TRIM16: variants seen among roughly 807,000 people sequenced by gnomAD.
TRIM16 encodes the protein tripartite motif-containing protein 16.
A neutral mutation model predicts 50.4 loss-of-function variants in TRIM16; 33 were observed. The observed-to-expected ratio is 0.65, with a 90% CI of 0.50 to 0.88. The LOEUF (loss-of-function observed/expected upper bound fraction) is 0.88. TRIM16 is among the 40% of genes least tolerant of loss of function. The probability of loss-of-function intolerance (pLI) is 0.00; values close to 1 mark genes in which losing one functional copy is unlikely to be tolerated. For missense variants in TRIM16, 581 were observed against 686.8 expected (o/e 0.85, Z 1.72); for synonymous variants, 229 against 270.7 (o/e 0.85, Z 1.51).
chr17:15,658,691 T>C (rs1988082666), intron 6 of TRIM16: 1 of 394,874 alleles, frequency 2.5e-6, no homozygotes, highest in South Asian at 1.1e-4. Flanking sequence ...TCTAAGTCAG[T>C]CCTCCAAATT....
chr17:15,677,839 T>G, intron 4 of TRIM16, 118 bp from the exon 5 acceptor site: 1 of 804,610 alleles, frequency 1.2e-6, no homozygotes, highest in Middle Eastern at 6.3e-4. Context: ...TATTAAAGAA[T>G]CTTAAAATCT....
chr17:15,665,801 C>A (rs555275336), intron 6 of TRIM16, among the ~76,000 whole-genome samples: 144 of 152,160 alleles, frequency 9.5e-4, no homozygotes, highest in African/African-American at 3.3e-3. Context: ...AAACTGATGT[C>A]TCAGCTCAAC....
chr17:15,651,652 G>C lies in TRIM16; in HGVS notation c.-43C>G. 1 of 1,591,200 alleles carries C rather than the reference G, an allele frequency of 6.3e-7. No homozygotes were observed. Among genetic ancestry groups the C allele is most frequent in the South Asian group, 1.1e-5 (1 of 89,144 alleles). On this transcript the variant is annotated 5_prime_UTR_variant, in exon 7 of 12. Coordinates refer to ENST00000649191, the MANE Select transcript of TRIM16 (RefSeq NM_001348119.1). ...TAGGCTGTCTTTCTTCTGTCCCTTG[G>C]CCCAGGATCTGTGCAGCCCAAGTCA...
chr17:15,681,687 C>T (rs1406174886), intron 3 of TRIM16, among the ~76,000 whole-genome samples: 2 of 152,210 alleles, frequency 1.3e-5, no homozygotes, highest in East Asian at 1.9e-4. Flanking sequence ...ACTGCTGATG[C>T]TATTACCTTT....
intron 6 of TRIM16, among the ~76,000 whole-genome samples, chr17:15,673,859 AT>A (rs926508585): frequency 5.3e-5 from 8 of 150,528 alleles, no homozygotes. Flanking sequence ...TCATATGACC[AT>A]TTTTTTAAAA....
At chr17:15,682,993 A>G (rs763472235) in intron 2 of TRIM16, 42 bp from the exon 3 acceptor site, 10 of 1,550,058 alleles carry the variant, frequency 6.5e-6, no homozygotes, top group Non-Finnish European at 8.7e-6. Context: ...TGCATACTGC[A>G]GATTCTTGGC....
chr17:15,640,354 C>G (rs565676308), intron 8 of TRIM16, among the ~76,000 whole-genome samples: 1 of 148,778 alleles, frequency 6.7e-6, no homozygotes, highest in Non-Finnish European at 1.5e-5. Flanking sequence ...CAGGGAAGGA[C>G]CTTTAAGTTC....
In TRIM16 at chr17:15,634,639, A is replaced by AT. The variant is rs1212715420; in HGVS notation, c.849+1396_849+1397insA. Among the ~76,000 whole-genome samples, 1,316 of 142,098 alleles carry AT rather than the reference A, an allele frequency of 9.3e-3. 81 individuals are homozygous for AT. The highest frequency in any genetic ancestry group is 0.053 in the Middle Eastern group (15 of 284). 93.2% of individuals were successfully genotyped at this position (142,098 alleles called of 152,430 possible). A position where few individuals can be genotyped will look rare whatever the true frequency, so the allele number is the denominator to read the frequency against. On this transcript the variant is annotated intron_variant, in intron 9 of 11. Transcript: ENST00000649191. ...AGAGTGAAACTCAGTCTCAAAAAAA[A>AT]AAAAAAACAAATAAAAATAAAAATT...
At chr17:15,662,888 G>T (rs761636091) in intron 6 of TRIM16, among the ~76,000 whole-genome samples, 1 of 152,180 alleles carries the variant, frequency 6.6e-6, no homozygotes, top group African/African-American at 2.4e-5. Context: ...ACATGAGGAC[G>T]TTCTGGCTAA....
intron 4 of TRIM16, among the ~76,000 whole-genome samples, chr17:15,679,551 T>G (rs1294590440): frequency 6.6e-6 from 1 of 152,230 alleles, no homozygotes; most frequent in Non-Finnish European, 1.5e-5. Context: ...AGATTAAGGA[T>G]GTGGCCTTCC....
intron 6 of TRIM16, among the ~76,000 whole-genome samples, chr17:15,676,001 C>A (rs1597673659): frequency 6.6e-6 from 1 of 152,096 alleles, no homozygotes; most frequent in East Asian, 1.9e-4. Context: ...ACTCCCAAAT[C>A]TGTACCCCCA....
intron 7 of TRIM16, 185 bp from the exon 8 acceptor site, chr17:15,643,001 G>A: frequency 5.1e-6 from 3 of 588,290 alleles, no homozygotes; most frequent in Non-Finnish European, 6.6e-6. Flanking sequence ...TCCTGGGGCT[G>A]CAGTCAGCAT....
Position 15,665,000 on chromosome 17 carries a change from C to G in TRIM16, c.-338+12176G>C, listed in dbSNP as rs147616022. Among the ~76,000 whole-genome samples, 751 of 147,170 alleles carry G rather than the reference C, an allele frequency of 5.1e-3. 9 individuals carry two copies. Among genetic ancestry groups the G allele is most frequent in the African/African-American group, 0.018 (705 of 39,176 alleles). ...TGAGCAGAGATGGCACCATTGCACT[C>G]CAGCCTGGGCAACAGAGTGAGACTC... On this transcript the variant is annotated intron_variant, in intron 6 of 11. Coordinates refer to ENST00000649191, the MANE Select transcript of TRIM16 (RefSeq NM_001348119.1).
chr17:15,651,741 A>G lies in TRIM16; in HGVS notation c.-132T>C, dbSNP rs1001572841. The G allele has an allele frequency of 5.3e-6, 8 of 1,521,716 alleles. No individual in the cohort carries two copies. The highest frequency in any genetic ancestry group is 4.1e-5 in the African/African-American group (3 of 72,664). The allele number at this position is 1,521,716 out of a possible 1,614,324, so 94.3% of individuals were successfully genotyped here. A position where few individuals can be genotyped will look rare whatever the true frequency, so the allele number is the denominator to read the frequency against. Reference sequence around the variant, plus strand: ...AGATTTTAACTGTTTCCTCCCTCCCAGAGGAAGCTCGGCCACTCATTACTG... The same window carrying G: ...AGATTTTAACTGTTTCCTCCCTCCCGGAGGAAGCTCGGCCACTCATTACTG... On this transcript the variant is annotated 5_prime_UTR_variant, in exon 7 of 12. Transcript: ENST00000649191.
chr17:15,670,057 A>T (rs1322094811), intron 6 of TRIM16, among the ~76,000 whole-genome samples: 1 of 152,252 alleles, frequency 6.6e-6, no homozygotes, highest in Non-Finnish European at 1.5e-5. Context: ...TTCACTCATA[A>T]GAATATCACA....
At chr17:15,647,267 C>T (rs1177783909) in intron 7 of TRIM16, among the ~76,000 whole-genome samples, 2 of 152,192 alleles carry the variant, frequency 1.3e-5, no homozygotes, top group African/African-American at 2.4e-5. Flanking sequence ...CCACCGCGCC[C>T]GGCCCAAGTA....
intron 8 of TRIM16, among the ~76,000 whole-genome samples, chr17:15,640,088 T>C (rs1405236487): frequency 2.0e-5 from 3 of 149,508 alleles, no homozygotes; most frequent in African/African-American, 7.4e-5. Flanking sequence ...ATAAATGGAC[T>C]GATTTGCCCA....
rs895701539 is a variant in TRIM16 at position 15,650,647 on chromosome 17, G to A, written c.519+444C>T. 2.0e-5 allele frequency among the ~76,000 whole-genome samples: 3 copies of A among 152,172 alleles called. No individual in the cohort carries two copies. In the East Asian group the frequency reaches 5.8e-4, roughly 29 times the overall value. Reference sequence around the variant, plus strand: ...TGTTTGAGAAAAAGAGAAACTGGGAGAAAGAGTTGTTCTTTTCTCTTGAAT... The same window carrying A: ...TGTTTGAGAAAAAGAGAAACTGGGAAAAAGAGTTGTTCTTTTCTCTTGAAT... On this transcript the variant is annotated intron_variant, in intron 7 of 11. Coordinates refer to ENST00000649191, the MANE Select transcript of TRIM16 (RefSeq NM_001348119.1).
chr17:15,648,107 T>A (rs1987493883), intron 7 of TRIM16, among the ~76,000 whole-genome samples: 1 of 151,464 alleles, frequency 6.6e-6, no homozygotes, highest in African/African-American at 2.4e-5. Flanking sequence ...GCACCTGTAG[T>A]CCCAGCTACT....
Sources: gnomAD v4.1 joint callset for allele counts (sites outside exome capture counted in the v4.1 genomes callset) on GRCh38, gnomAD v4.1.1 for gene constraint, MANE v1.5 for transcripts, NCBI Gene and HGNC (gene_info 2026-07-23, HGNC 2026-07-21) for gene names.